TRHDE: variants seen among roughly 807,000 people sequenced by gnomAD.
TRHDE encodes the protein thyrotropin releasing hormone degrading enzyme, also known as thyrotropin-releasing hormone-degrading ectoenzyme.
Under a neutral mutation model 125.7 loss-of-function variants are expected in TRHDE, and 72 were observed. The observed-to-expected ratio is 0.57, with a 90% CI of 0.47 to 0.70. The LOEUF (loss-of-function observed/expected upper bound fraction) is 0.70. TRHDE is among the 30% of genes least tolerant of loss of function. The probability of loss-of-function intolerance (pLI) is 0.00; values close to 1 mark genes in which losing one functional copy is unlikely to be tolerated. For missense variants in TRHDE, 1,110 were observed against 1,327.1 expected (o/e 0.84, Z 2.54); for synonymous variants, 509 against 509.1 (o/e 1.00, Z 0.00).
intron 2 of TRHDE, among the ~76,000 whole-genome samples, chr12:72,200,549 C>T (rs764792063): frequency 3.3e-5 from 5 of 151,876 alleles, no homozygotes; most frequent in Admixed American, 6.6e-5. Context: ...GCATAAGTGG[C>T]GAGTATTGAC....
chr12:72,481,208 A>G (rs1406258672), intron 5 of TRHDE, among the ~76,000 whole-genome samples: 3 of 152,066 alleles, frequency 2.0e-5, no homozygotes, highest in Non-Finnish European at 4.4e-5. Flanking sequence ...GTCTCAGTCC[A>G]TAACACTTTA....
At chr12:72,226,817 C>A (rs975268941) in intron 2 of TRHDE, among the ~76,000 whole-genome samples, 5 of 152,090 alleles carry the variant, frequency 3.3e-5, no homozygotes, top group Admixed American at 2.0e-4. Flanking sequence ...GGCTGAGAAA[C>A]TACAGATTTT....
chr12:72,154,748 TCTTCTGAG>T (rs1249902908), intron 2 of TRHDE, among the ~76,000 whole-genome samples: 1 of 152,262 alleles, frequency 6.6e-6, no homozygotes, highest in Non-Finnish European at 1.5e-5. Flanking sequence ...TTGTAGAGTT[TCTTCTGAG>T]AGATCAGCTG....
chr12:72,102,590 T>C (rs1170290611), intron 1 of TRHDE, among the ~76,000 whole-genome samples: 1 of 152,208 alleles, frequency 6.6e-6, no homozygotes, highest in Non-Finnish European at 1.5e-5. Flanking sequence ...AATAGCCAGC[T>C]TATGGGTTAC....
chr12:72,378,572 A>G (rs573086178), intron 3 of TRHDE, among the ~76,000 whole-genome samples: 2 of 152,270 alleles, frequency 1.3e-5, no homozygotes, highest in South Asian at 2.1e-4. Flanking sequence ...TCCCCGAACA[A>G]CTCAATATTT....
At chr12:72,167,197 T>C (rs558977115) in intron 2 of TRHDE, among the ~76,000 whole-genome samples, 59 of 152,232 alleles carry the variant, frequency 3.9e-4, no homozygotes, top group Admixed American at 8.5e-4. Flanking sequence ...GTTGGCTCAA[T>C]AGGCTAATCA....
intron 7 of TRHDE, among the ~76,000 whole-genome samples, chr12:72,552,728 G>A (rs2135999374): frequency 6.6e-6 from 1 of 152,218 alleles, no homozygotes; most frequent in South Asian, 2.1e-4. Flanking sequence ...ATGGGAATGT[G>A]GAAATGGAAA....
At chr12:72,091,694 G>A (rs577571949) in intron 1 of TRHDE, among the ~76,000 whole-genome samples, 81 of 152,270 alleles carry the variant, frequency 5.3e-4, no homozygotes, top group African/African-American at 1.7e-3. Context: ...AACTGTTCTC[G>A]TAAACGCAGA....
At chr12:72,161,779 A>G (rs1876643588) in intron 2 of TRHDE, among the ~76,000 whole-genome samples, 1 of 152,234 alleles carries the variant, frequency 6.6e-6, no homozygotes. Flanking sequence ...TCAAATGAAA[A>G]AGAACTTCCA....
At chr12:72,579,772 T>TG (rs376058819) in intron 12 of TRHDE, among the ~76,000 whole-genome samples, 27 of 152,154 alleles carry the variant, frequency 1.8e-4, no homozygotes, top group African/African-American at 6.3e-4. Flanking sequence ...ATGTTTAGAA[T>TG]GAAGTAAAGG....
intron 2 of TRHDE, among the ~76,000 whole-genome samples, chr12:72,221,088 T>A (rs1877990080): frequency 6.6e-6 from 1 of 152,208 alleles, no homozygotes; most frequent in South Asian, 2.1e-4. Context: ...GGAAACAAAG[T>A]CTATTCAGTT....
chr12:72,243,452 A>G (rs1471516267), intron 2 of TRHDE, among the ~76,000 whole-genome samples: 3 of 152,222 alleles, frequency 2.0e-5, no homozygotes, highest in African/African-American at 7.2e-5. Context: ...AGTGCAAAAT[A>G]TATACCAGAT....
At chr12:72,490,197 G>A (rs1203906482) in intron 5 of TRHDE, among the ~76,000 whole-genome samples, 1 of 151,658 alleles carries the variant, frequency 6.6e-6, no homozygotes, top group African/African-American at 2.4e-5. Context: ...GTCTCCAAAA[G>A]AGACATAAAA....
chr12:72,387,481 G>A (rs532679968), intron 3 of TRHDE, among the ~76,000 whole-genome samples: 87 of 152,238 alleles, frequency 5.7e-4, no homozygotes, highest in African/African-American at 1.9e-3. Context: ...GGGGTCAAGA[G>A]TTCAACCTAA....
chr12:72,111,165 T>G (rs2139295234), intron 2 of TRHDE, among the ~76,000 whole-genome samples: 1 of 152,312 alleles, frequency 6.6e-6, no homozygotes, highest in South Asian at 2.1e-4. Flanking sequence ...CTGTTGAACG[T>G]TAACTCATGT....
intron 12 of TRHDE, among the ~76,000 whole-genome samples, chr12:72,597,741 A>ATATATATATG (rs1592562880): frequency 4.4e-5 from 1 of 22,634 alleles, no homozygotes; most frequent in East Asian, 5.5e-4. Context: ...ATATATATAT[A>ATATATATATG]TATATATATA....
chr12:72,453,670 C>T (rs1875691966), intron 3 of TRHDE, among the ~76,000 whole-genome samples: 1 of 152,202 alleles, frequency 6.6e-6, no homozygotes, highest in Admixed American at 6.5e-5. Context: ...GAAGCAGCCC[C>T]TCCCATCACA....
intron 2 of TRHDE, among the ~76,000 whole-genome samples, chr12:72,293,616 T>C (rs919401124): frequency 6.6e-6 from 1 of 152,248 alleles, no homozygotes; most frequent in Non-Finnish European, 1.5e-5. Context: ...GTGACCATTA[T>C]TAATTCCCAA....
intron 2 of TRHDE, among the ~76,000 whole-genome samples, chr12:72,132,401 C>A (rs1394453417): frequency 6.6e-6 from 1 of 152,152 alleles, no homozygotes; most frequent in Non-Finnish European, 1.5e-5. Flanking sequence ...AACATTCATG[C>A]GCCCAACAGG....
Sources: gnomAD v4.1 joint callset for allele counts (sites outside exome capture counted in the v4.1 genomes callset) on GRCh38, gnomAD v4.1.1 for gene constraint, MANE v1.5 for transcripts, NCBI Gene and HGNC (gene_info 2026-07-23, HGNC 2026-07-21) for gene names.